Variants in KCNH7 observed in about 807,000 individuals in gnomAD.
KCNH7 encodes voltage-gated inwardly rectifying potassium channel KCNH7.
In KCNH7, 49 loss-of-function variants were observed where a neutral mutation model predicts 120.8. That is an observed-to-expected ratio of 0.41 (90% confidence interval 0.32 to 0.51). The LOEUF is 0.51. KCNH7 is among the 20% of genes least tolerant of loss of function. KCNH7 has a pLI of 0.38. For missense variants in KCNH7, 1,097 were observed against 1,446.6 expected (o/e 0.76, Z 3.92); for synonymous variants, 547 against 516.1 (o/e 1.06, Z -0.81).
chr2:162,723,740 T>C (rs563595518), intron 2 of KCNH7, among the ~76,000 whole-genome samples: 1 of 152,334 alleles, frequency 6.6e-6, no homozygotes, highest in East Asian at 1.9e-4. Context: ...GGTAAAAGTA[T>C]AGTTATGAAA....
In KCNH7 at chr2:162,645,209, G is replaced by A. The variant is rs373976170; in HGVS notation, c.308-108129C>T. Among the ~76,000 whole-genome samples the A allele has an allele frequency of 1.5e-4, 23 of 152,010 alleles. No individual in the cohort carries two copies. In the East Asian group the frequency reaches 1.7e-3, roughly 12 times the overall value. On this transcript the variant is annotated intron_variant, in intron 2 of 15. Transcript: ENST00000332142. ...TGTCACCAGGCTGGAGTGCAGTGGCGTGATCTTGGCTCACTGCAACCTCCG... is the reference window on the plus strand; with the variant it reads ...TGTCACCAGGCTGGAGTGCAGTGGCATGATCTTGGCTCACTGCAACCTCCG...
rs2105519467 is a variant in KCNH7, at chr2:162,791,741, A to G, written c.307+44796T>C. ...TCATCTGCAAAGAGGGATAGTTTGA[A>G]TTCTTCTCTTCCTATTTGGATGTCC... is the stretch of plus-strand genomic sequence containing the variant. On this transcript the variant is annotated intron_variant, in intron 2 of 15. Coordinates refer to ENST00000332142, the MANE Select transcript of KCNH7 (RefSeq NM_033272.4). Among the ~76,000 whole-genome samples, 2 of 152,084 alleles carry G rather than the reference A, an allele frequency of 1.3e-5. 1 individual carries two copies. Among genetic ancestry groups the G allele is most frequent in the African/African-American group, 4.8e-5 (2 of 41,546 alleles).
chr2:162,801,644 C>G (rs1684353971), intron 2 of KCNH7, among the ~76,000 whole-genome samples: 1 of 151,722 alleles, frequency 6.6e-6, no homozygotes, highest in Non-Finnish European at 1.5e-5. Flanking sequence ...CTCTTCTGTG[C>G]CATTATGAAA....
chr2:162,728,583 A>G (rs951120126), intron 2 of KCNH7, among the ~76,000 whole-genome samples: 2 of 152,172 alleles, frequency 1.3e-5, no homozygotes, highest in Non-Finnish European at 2.9e-5. Context: ...GTTCGAGACC[A>G]GCCTGACCAA....
intron 2 of KCNH7, among the ~76,000 whole-genome samples, chr2:162,737,444 C>A (rs1687952983): frequency 6.6e-6 from 1 of 152,008 alleles, no homozygotes; most frequent in Admixed American, 6.6e-5. Context: ...TCCAAGCATT[C>A]TCAGAAATAT....
chr2:162,529,327 T>G (rs992008009), intron 3 of KCNH7, among the ~76,000 whole-genome samples: 2 of 151,852 alleles, frequency 1.3e-5, no homozygotes, highest in African/African-American at 2.4e-5. Context: ...GGTACTGAAA[T>G]AGCTGTTACA....
At chr2:162,648,776 A>C (rs973547625) in intron 2 of KCNH7, among the ~76,000 whole-genome samples, 5 of 152,078 alleles carry the variant, frequency 3.3e-5, no homozygotes, top group African/African-American at 9.6e-5. Flanking sequence ...CCACCCCCCC[A>C]AAAAAATTTT....
chr2:162,687,166 C>T (rs1559082019), intron 2 of KCNH7, among the ~76,000 whole-genome samples: 2 of 152,032 alleles, frequency 1.3e-5, no homozygotes, highest in Admixed American at 6.6e-5. Flanking sequence ...ATATTCTCCA[C>T]GGTGCCATCT....
chr2:162,375,562 G>A (rs543723986), intron 14 of KCNH7, among the ~76,000 whole-genome samples: 1 of 152,290 alleles, frequency 6.6e-6, no homozygotes, highest in South Asian at 2.1e-4. Flanking sequence ...GCAGCAGTTT[G>A]CTGATAGGTT....
chr2:162,406,176 G>C (rs762534694), intron 9 of KCNH7, among the ~76,000 whole-genome samples: 2 of 151,766 alleles, frequency 1.3e-5, no homozygotes, highest in Non-Finnish European at 2.9e-5. Flanking sequence ...ATTCTGTTTG[G>C]ATAAGTGTCA....
chr2:162,577,634 C>T (rs1243593765), intron 2 of KCNH7, among the ~76,000 whole-genome samples: 2 of 151,982 alleles, frequency 1.3e-5, no homozygotes, highest in Non-Finnish European at 2.9e-5. Context: ...TCAGTTACTT[C>T]TGCATAACTG....
chr2:162,421,690 A>G (rs956471397), intron 9 of KCNH7, among the ~76,000 whole-genome samples: 2 of 152,200 alleles, frequency 1.3e-5, no homozygotes, highest in African/African-American at 4.8e-5. Flanking sequence ...AATCTTTCAT[A>G]AGTACATTGT....
chr2:162,763,217 G>A (rs1689025344), intron 2 of KCNH7, among the ~76,000 whole-genome samples: 1 of 152,070 alleles, frequency 6.6e-6, no homozygotes, highest in Admixed American at 6.6e-5. Flanking sequence ...CAGGAGCCAT[G>A]ATTCATTAAG....
At chr2:162,521,740 T>C (rs2105793569) in intron 3 of KCNH7, among the ~76,000 whole-genome samples, 1 of 152,032 alleles carries the variant, frequency 6.6e-6, no homozygotes, top group East Asian at 2.0e-4. Flanking sequence ...ATTTATCATT[T>C]TTTGTGTCAG....
In KCNH7 at chr2:162,500,276, A is replaced by C. The variant is rs377174979; in HGVS notation, c.1128+4167T>G. 2.8e-5 allele frequency among the ~76,000 whole-genome samples: 4 copies of C among 142,184 alleles called. No individual in the cohort carries two copies. The South Asian group carries it at 9.7e-4, about 35-fold the overall frequency. 93.3% of individuals were successfully genotyped at this position (142,184 alleles called of 152,430 possible). On this transcript the variant is annotated intron_variant, in intron 6 of 15. Coordinates refer to ENST00000332142, the MANE Select transcript of KCNH7 (RefSeq NM_033272.4). ...TATGTATGTATGTATTATATTCAGC[A>C]CATATAATATATAACATGTATATTA...
intron 2 of KCNH7, among the ~76,000 whole-genome samples, chr2:162,692,945 CA>C (rs142118494): frequency 0.051 from 7,763 of 151,146 alleles, 658 homozygotes; most frequent in African/African-American, 0.18. Context: ...ATAATCAAGA[CA>C]AAAAAAACTA....
chr2:162,654,377 C>A (rs540655882), intron 2 of KCNH7, among the ~76,000 whole-genome samples: 1 of 151,056 alleles, frequency 6.6e-6, no homozygotes, highest in African/African-American at 2.4e-5. Context: ...ATAGAAATGG[C>A]CAACAGGTAT....
chr2:162,392,198 C>T (rs1301351695), intron 12 of KCNH7, among the ~76,000 whole-genome samples: 1 of 151,912 alleles, frequency 6.6e-6, no homozygotes, highest in Non-Finnish European at 1.5e-5. Flanking sequence ...AAACAATTCA[C>T]ATTAAATATA....
At chr2:162,729,347 A>T (rs1310367647) in intron 2 of KCNH7, among the ~76,000 whole-genome samples, 1 of 151,906 alleles carries the variant, frequency 6.6e-6, no homozygotes, top group East Asian at 1.9e-4. Flanking sequence ...CTCTGAATAT[A>T]CCCTATTTTG....
Sources: allele counts gnomAD v4.1 joint callset (sites outside exome capture counted in the v4.1 genomes callset), GRCh38; gene constraint gnomAD v4.1.1; transcripts MANE v1.5; gene names NCBI Gene and HGNC (gene_info 2026-07-23, HGNC 2026-07-21).